VWC2: variants seen among roughly 807,000 people sequenced by gnomAD.
VWC2 encodes the protein von Willebrand factor C domain containing 2.
VWC2 carries 14 observed loss-of-function variants against 29.8 expected under a neutral mutation model. The observed-to-expected ratio is 0.47, with a 90% CI of 0.31 to 0.74. The LOEUF (loss-of-function observed/expected upper bound fraction) is 0.74, where lower values mean the gene tolerates loss of function less well. VWC2 is among the 30% of genes least tolerant of loss of function. The pLI, the probability that VWC2 is intolerant of heterozygous loss-of-function variation, is 0.05. For synonymous variants in VWC2, 213 were observed against 199.0 expected, an observed-to-expected ratio of 1.07 and a Z score of -0.59; for missense variants, 457 against 459.8, an observed-to-expected ratio of 0.99 and a Z score of 0.05.
intron 3 of VWC2, among the ~76,000 whole-genome samples, chr7:49,909,968 G>A (rs930046911): frequency 5.9e-5 from 9 of 152,028 alleles, no homozygotes; most frequent in African/African-American, 2.2e-4. Flanking sequence ...AGTTACTCAG[G>A]TGTGGTGGTG....
chr7:49,820,938 G>A (rs1789249071), intron 3 of VWC2, among the ~76,000 whole-genome samples: 1 of 152,200 alleles, frequency 6.6e-6, no homozygotes, highest in South Asian at 2.1e-4. Context: ...GATGAGCGTG[G>A]TCAGGTAAGA....
chr7:49,878,607 A>G (rs1257478958), intron 3 of VWC2, among the ~76,000 whole-genome samples: 3 of 152,132 alleles, frequency 2.0e-5, no homozygotes, highest in Non-Finnish European at 2.9e-5. Flanking sequence ...CAGTTTTATT[A>G]TATAATGACA....
In VWC2 at chr7:49,819,878, C is replaced by T. The variant is rs139252952; in HGVS notation, c.826+17038C>T. On this transcript the variant is annotated intron_variant, in intron 3 of 3. Coordinates refer to ENST00000340652, the MANE Select transcript of VWC2 (RefSeq NM_198570.5). Reference sequence around the variant, plus strand: ...TGGTAGAGGGGGACAAGTAGGGTACCTTTAGTCTTTGTAACACCATGTCCT... The same window carrying T: ...TGGTAGAGGGGGACAAGTAGGGTACTTTTAGTCTTTGTAACACCATGTCCT... 2.0e-5 allele frequency among the ~76,000 whole-genome samples: 3 copies of T among 152,164 alleles called. No individual in the cohort carries two copies. The East Asian group carries it at 5.8e-4, about 29-fold the overall frequency.
intron 3 of VWC2, among the ~76,000 whole-genome samples, chr7:49,905,054 G>C (rs1032599122): frequency 6.6e-6 from 1 of 152,064 alleles, no homozygotes; most frequent in Non-Finnish European, 1.5e-5. Context: ...AATTCTAATT[G>C]TTATCTGAAT....
At chr7:49,911,918 T>TATACGCACACAC (rs1554344972) in intron 3 of VWC2, 116 bp from the exon 4 acceptor site, 3 of 223,018 alleles carry the variant, frequency 1.3e-5, no homozygotes, top group Non-Finnish European at 1.8e-5. Flanking sequence ...AACAAACAAA[T>TATACGCACACAC]ACACGCACAC....
At chr7:49,876,090 A>G (rs1791404603) in intron 3 of VWC2, among the ~76,000 whole-genome samples, 1 of 152,176 alleles carries the variant, frequency 6.6e-6, no homozygotes, top group Admixed American at 6.5e-5. Flanking sequence ...TGAAGTTTGT[A>G]CTTCTGGAAG....
rs542735817 is a variant in VWC2, at chr7:49,785,513, C to T, written c.696+9382C>T. On this transcript the variant is annotated intron_variant, in intron 2 of 3. Coordinates refer to ENST00000340652, the MANE Select transcript of VWC2 (RefSeq NM_198570.5). ...CCAAGACTTTCTAGTTGAAAGACAT[C>T]TATTTTCTCATTCAGGAAACCCAAT... Among the ~76,000 whole-genome samples the T allele has an allele frequency of 3.9e-5, 6 of 152,210 alleles. No homozygotes were observed. In the East Asian group the frequency reaches 1.2e-3, roughly 29 times the overall value.
At chr7:49,791,088 G>T (rs1268259868) in intron 2 of VWC2, among the ~76,000 whole-genome samples, 1 of 152,130 alleles carries the variant, frequency 6.6e-6, no homozygotes, top group Non-Finnish European at 1.5e-5. Flanking sequence ...TCCATAAAAA[G>T]CAGAGTTGAA....
intron 3 of VWC2, among the ~76,000 whole-genome samples, chr7:49,806,581 T>G (rs116997566): frequency 0.011 from 1,641 of 152,334 alleles, 14 homozygotes; most frequent in Middle Eastern, 0.02. Flanking sequence ...CGTCAAATTA[T>G]TAAACATACG....
chr7:49,879,636 A>G (rs1791586647), intron 3 of VWC2, among the ~76,000 whole-genome samples: 1 of 152,104 alleles, frequency 6.6e-6, no homozygotes, highest in African/African-American at 2.4e-5. Flanking sequence ...CTCTGTCCCA[A>G]CCCCAACTGG....
At chr7:49,896,876 TGATA>T (rs1475105120) in intron 3 of VWC2, among the ~76,000 whole-genome samples, 1 of 143,166 alleles carries the variant, frequency 7.0e-6, no homozygotes, top group Non-Finnish European at 1.5e-5. Context: ...AAAATTGGAT[TGATA>T]ATTTTTTTTT....
chr7:49,779,209 C>G (rs762450135), intron 2 of VWC2, among the ~76,000 whole-genome samples: 17 of 152,300 alleles, frequency 1.1e-4, no homozygotes, highest in Middle Eastern at 3.4e-3. Flanking sequence ...TCTTCATAGG[C>G]TTCTCTTTCT....
In VWC2 at chr7:49,914,862, C is replaced by A. The variant is rs1384137045; in HGVS notation, c.*2677C>A. ...GCACAGAAAAGGGGGCCTCAGAATTCAAGTATAGAAGTTCTGGAAAAGCCA... is the reference window on the plus strand; with the variant it reads ...GCACAGAAAAGGGGGCCTCAGAATTAAAGTATAGAAGTTCTGGAAAAGCCA... On this transcript the variant is annotated 3_prime_UTR_variant, in exon 4 of 4. Transcript: ENST00000340652. 1 of 152,072 alleles carries A rather than the reference C, an allele frequency of 6.6e-6. No homozygotes were observed. Among genetic ancestry groups the A allele is most frequent in the Non-Finnish European group, 1.5e-5 (1 of 68,010 alleles). 9.4% of individuals were successfully genotyped at this position (152,072 alleles called of 1,614,324 possible).
At chr7:49,890,536 A>G (rs1330363225) in intron 3 of VWC2, among the ~76,000 whole-genome samples, 1 of 152,172 alleles carries the variant, frequency 6.6e-6, no homozygotes, top group Non-Finnish European at 1.5e-5. Flanking sequence ...TCTGCAGGCT[A>G]ACTTCTCATT....
chr7:49,817,842 A>C (rs1384556429), intron 3 of VWC2, among the ~76,000 whole-genome samples: 1 of 152,218 alleles, frequency 6.6e-6, no homozygotes, highest in Non-Finnish European at 1.5e-5. Flanking sequence ...TCATGGAGTA[A>C]AGCATTATCA....
chr7:49,842,230 T>C (rs1159806652), intron 3 of VWC2, among the ~76,000 whole-genome samples: 3 of 152,150 alleles, frequency 2.0e-5, no homozygotes, highest in Non-Finnish European at 4.4e-5. Context: ...ACATGTTAAA[T>C]CTTAGTGGAT....
intron 3 of VWC2, among the ~76,000 whole-genome samples, chr7:49,888,495 A>C (rs1330057954): frequency 1.3e-5 from 2 of 152,152 alleles, no homozygotes; most frequent in Non-Finnish European, 2.9e-5. Flanking sequence ...GTACCATGTC[A>C]CTATGAAGGG....
In VWC2 at chr7:49,882,428, A is replaced by G. The variant is rs531908733; in HGVS notation, c.827-29606A>G. On this transcript the variant is annotated intron_variant, in intron 3 of 3. Transcript: ENST00000340652. ...GTCTTCTCTTTTAGTCTTTTTCCAT[A>G]TACATCCTATATGGAATTTAGATTT... is the stretch of plus-strand genomic sequence containing the variant. Among the ~76,000 whole-genome samples the G allele has an allele frequency of 1.0e-3, 154 of 152,306 alleles. 3 individuals are homozygous for G. Among genetic ancestry groups the G allele is most frequent in the Middle Eastern group, 6.8e-3 (2 of 294 alleles).
chr7:49,894,706 C>T (rs1321965983), intron 3 of VWC2, among the ~76,000 whole-genome samples: 7 of 152,182 alleles, frequency 4.6e-5, no homozygotes, highest in African/African-American at 1.7e-4. Flanking sequence ...GGGCCTAGGG[C>T]TGTCACTGAG....
Sources: allele counts gnomAD v4.1 joint callset (sites outside exome capture counted in the v4.1 genomes callset), GRCh38; gene constraint gnomAD v4.1.1; transcripts MANE v1.5; gene names NCBI Gene and HGNC (gene_info 2026-07-23, HGNC 2026-07-21).